Variants in CAMTA1 observed in about 807,000 individuals in gnomAD.
CAMTA1 encodes calmodulin binding transcription activator 1.
Under a neutral mutation model 170.9 loss-of-function variants are expected in CAMTA1, and 27 were observed. The observed-to-expected ratio is 0.16, with a 90% CI of 0.12 to 0.22. CAMTA1 has a LOEUF of 0.22. CAMTA1 is among the 10% of genes least tolerant of loss of function. The pLI, the probability that CAMTA1 is intolerant of heterozygous loss-of-function variation, is 1.00. For missense variants in CAMTA1, 1,619 were observed against 2,217.2 expected (o/e 0.73, Z 5.42); for synonymous variants, 833 against 891.5 (o/e 0.93, Z 1.17).
At chr1:7,563,741 A>C (rs750574030) in intron 6 of CAMTA1, among the ~76,000 whole-genome samples, 43 of 152,196 alleles carry the variant, frequency 2.8e-4, no homozygotes, top group Non-Finnish European at 4.9e-4. Context: ...AGTCCTGGAG[A>C]GATACAGCGA....
intron 3 of CAMTA1, among the ~76,000 whole-genome samples, chr1:7,030,726 A>G (rs1199688956): frequency 1.3e-5 from 2 of 152,190 alleles, no homozygotes; most frequent in African/African-American, 2.4e-5. Context: ...ATATGTTGGT[A>G]AACATTCTGT....
At chr1:6,796,677 T>C (rs183552426) in intron 1 of CAMTA1, among the ~76,000 whole-genome samples, 6 of 152,320 alleles carry the variant, frequency 3.9e-5, no homozygotes, top group Admixed American at 3.9e-4. Flanking sequence ...TGTATTGGAC[T>C]TAGGGTGCAT....
intron 6 of CAMTA1, among the ~76,000 whole-genome samples, chr1:7,550,928 C>G (rs768560310): frequency 3.9e-5 from 6 of 152,156 alleles, no homozygotes; most frequent in Admixed American, 6.5e-5. Context: ...CTCTCTGCCC[C>G]CTCCCCACGA....
chr1:7,256,754 G>A (rs1245325886), intron 5 of CAMTA1, among the ~76,000 whole-genome samples: 7 of 152,184 alleles, frequency 4.6e-5, no homozygotes, highest in South Asian at 2.1e-4. Flanking sequence ...AGGCTGGGAA[G>A]TTTAGGATCA....
At chr1:7,526,814 G>C (rs1224031613) in intron 6 of CAMTA1, among the ~76,000 whole-genome samples, 1 of 152,208 alleles carries the variant, frequency 6.6e-6, no homozygotes, top group African/African-American at 2.4e-5. Flanking sequence ...CTGGCTCTCT[G>C]TTAGCAGATG....
chr1:7,012,156 G>T (rs1416607435), intron 3 of CAMTA1, among the ~76,000 whole-genome samples: 1 of 152,150 alleles, frequency 6.6e-6, no homozygotes, highest in Non-Finnish European at 1.5e-5. Flanking sequence ...TTAACCTCAT[G>T]TGGGCCCATG....
chr1:6,828,094 T>C (rs968283036), intron 3 of CAMTA1, among the ~76,000 whole-genome samples: 1 of 152,122 alleles, frequency 6.6e-6, no homozygotes, highest in African/African-American at 2.4e-5. Context: ...GTCATCTTTC[T>C]CTGTTCTCCA....
At chr1:7,433,523 G>A (rs953316006) in intron 5 of CAMTA1, among the ~76,000 whole-genome samples, 5 of 152,156 alleles carry the variant, frequency 3.3e-5, no homozygotes, top group African/African-American at 1.2e-4. Context: ...GAGGGGCCAG[G>A]TCCAATGGCA....
At chr1:6,911,259 T>G (rs1247842525) in intron 3 of CAMTA1, among the ~76,000 whole-genome samples, 1 of 152,024 alleles carries the variant, frequency 6.6e-6, no homozygotes, top group Non-Finnish European at 1.5e-5. Context: ...AGGTGGTCCT[T>G]GGAGGGAGTT....
chr1:6,990,211 T>C (rs1358503065), intron 3 of CAMTA1, among the ~76,000 whole-genome samples: 1 of 152,252 alleles, frequency 6.6e-6, no homozygotes, highest in Non-Finnish European at 1.5e-5. Context: ...GTTCATTTAT[T>C]TTCAATCTTT....
At chr1:6,942,887 A>G (rs756406318) in intron 3 of CAMTA1, among the ~76,000 whole-genome samples, 24 of 151,920 alleles carry the variant, frequency 1.6e-4, no homozygotes, top group Non-Finnish European at 2.5e-4. Flanking sequence ...GTGCTTGGAC[A>G]CTCTCACTCA....
chr1:7,151,459 G>A (rs1646574266), intron 4 of CAMTA1, among the ~76,000 whole-genome samples: 1 of 152,188 alleles, frequency 6.6e-6, no homozygotes, highest in African/African-American at 2.4e-5. Context: ...GACCCCACCA[G>A]CTCCTGTTGT....
At chr1:6,923,436 T>C (rs970610973) in intron 3 of CAMTA1, among the ~76,000 whole-genome samples, 2 of 152,138 alleles carry the variant, frequency 1.3e-5, no homozygotes, top group Admixed American at 1.3e-4. Context: ...GGTTCCTGTT[T>C]AGAGGGGTTT....
At chr1:7,704,936 G>A (rs1268544686) in intron 11 of CAMTA1, among the ~76,000 whole-genome samples, 8 of 143,414 alleles carry the variant, frequency 5.6e-5, no homozygotes, top group Non-Finnish European at 1.1e-4. Flanking sequence ...GGGCGCGTGC[G>A]GTCGAGGGCG....
chr1:7,386,274 G>A (rs1575052044), intron 5 of CAMTA1, among the ~76,000 whole-genome samples: 1 of 152,348 alleles, frequency 6.6e-6, no homozygotes, highest in Middle Eastern at 3.4e-3. Context: ...AGCTCGGTTA[G>A]CATCTTGTGC....
chr1:7,692,161 C>T (rs1250818963), intron 11 of CAMTA1, among the ~76,000 whole-genome samples: 6 of 152,102 alleles, frequency 3.9e-5, no homozygotes, highest in Non-Finnish European at 8.8e-5. Context: ...TTTGGGTCTC[C>T]CTGTCACTGA....
chr1:6,874,779 A>C (rs1269781971), intron 3 of CAMTA1, among the ~76,000 whole-genome samples: 1 of 152,152 alleles, frequency 6.6e-6, no homozygotes, highest in African/African-American at 2.4e-5. Context: ...AGGGACAAGG[A>C]AGGAAACCTG....
At chr1:7,366,550 A>G (rs2085981257) in intron 5 of CAMTA1, among the ~76,000 whole-genome samples, 1 of 152,254 alleles carries the variant, frequency 6.6e-6, no homozygotes, top group African/African-American at 2.4e-5. Flanking sequence ...TGCTCCGCAG[A>G]TGATTTGCAG....
chr1:6,857,220 TA>T lies in CAMTA1; in HGVS notation c.234+32012del, dbSNP rs151169762. Among the ~76,000 whole-genome samples the T allele has an allele frequency of 2.6e-3, 396 of 152,224 alleles. 1 individual carries two copies. The highest frequency in any genetic ancestry group is 9.2e-3 in the African/African-American group (383 of 41,528). ...CAAGGCCCAGCAGTGGAGCTGGAGA[TA>T]ACTGGATGGCTTGGAGATGGGGTTT... On this transcript the variant is annotated intron_variant, in intron 3 of 22. Coordinates refer to ENST00000303635, the MANE Select transcript of CAMTA1 (RefSeq NM_015215.4).
Sources: gnomAD v4.1 joint callset for allele counts (sites outside exome capture counted in the v4.1 genomes callset) on GRCh38, gnomAD v4.1.1 for gene constraint, MANE v1.5 for transcripts, NCBI Gene and HGNC (gene_info 2026-07-23, HGNC 2026-07-21) for gene names.